Variants in IRAK3 observed in about 807,000 individuals in gnomAD.
IRAK3 encodes interleukin 1 receptor associated kinase 3.
Under a neutral mutation model 56.6 loss-of-function variants are expected in IRAK3, and 57 were observed. The observed-to-expected ratio is 1.01, with a 90% CI of 0.81 to 1.26. The LOEUF is 1.26. Ranked by LOEUF, IRAK3 falls within the 50% of genes most tolerant of loss-of-function variation. The pLI is 0.00. For synonymous variants in IRAK3, 258 were observed against 255.7 expected, an observed-to-expected ratio of 1.01 and a Z score of -0.09; for missense variants, 703 against 719.0, an observed-to-expected ratio of 0.98 and a Z score of 0.25.
chr12:66,235,089 G>A (rs1302870039), intron 8 of IRAK3: 2 of 1,613,410 alleles, frequency 1.2e-6, no homozygotes, highest in Non-Finnish European at 1.7e-6. Context: ...TGGGGAGGCA[G>A]TCCTCGGATA....
chr12:66,200,607 G>A (rs2052497380), intron 1 of IRAK3, among the ~76,000 whole-genome samples: 1 of 152,140 alleles, frequency 6.6e-6, no homozygotes, highest in African/African-American at 2.4e-5. Flanking sequence ...CAATTTTCAG[G>A]ATTTACTCAC....
In IRAK3 at chr12:66,197,610, A is replaced by G. The variant is rs948953084; in HGVS notation, c.134-6101A>G. On this transcript the variant is annotated intron_variant, in intron 1 of 11. Transcript: ENST00000261233. ...CAGTCCGGAAGCAATCCATGCATGCAGGCAGTATTCATTTTAACAGTCTGG... is the reference window on the plus strand; with the variant it reads ...CAGTCCGGAAGCAATCCATGCATGCGGGCAGTATTCATTTTAACAGTCTGG... 6.1e-6 allele frequency: 6 copies of G among 985,344 alleles called. No individual in the cohort carries two copies. The South Asian group carries it at 2.3e-4, about 39-fold the overall frequency. The allele number at this position is 985,344 out of a possible 1,614,324, so 61.0% of individuals were successfully genotyped here.
At chr12:66,198,029 TC>T in intron 1 of IRAK3, 1 of 985,286 alleles carries the variant, frequency 1.0e-6, no homozygotes. Flanking sequence ...ACTGTGCCTT[TC>T]CTACTGTGGC....
At chr12:66,210,305 T>C in intron 4 of IRAK3, 104 bp downstream of exon 4, 1 of 697,780 alleles carries the variant, frequency 1.4e-6, no homozygotes, top group Non-Finnish European at 2.6e-6. Context: ...ATCATTTATA[T>C]TCAAATTCGG....
At position 66,253,841 on chromosome 12, in the gene IRAK3, A is replaced by G. The variant is rs777736900; in HGVS notation, c.*5670A>G. The G allele has an allele frequency of 2.0e-5, 3 of 152,186 alleles. No homozygotes were observed. Among genetic ancestry groups the G allele is most frequent in the Non-Finnish European group, 4.4e-5 (3 of 68,024 alleles). The allele number at this position is 152,186 out of a possible 1,614,324, so 9.4% of individuals were successfully genotyped here. On this transcript the variant is annotated 3_prime_UTR_variant, in exon 12 of 12. Transcript: ENST00000261233. Reference sequence around the variant, plus strand: ...TTAGATTTAAAAAAATGAAGCATAAAGGAGTTGGCTCTTGCCCTAAGTCAT... The same window carrying G: ...TTAGATTTAAAAAAATGAAGCATAAGGGAGTTGGCTCTTGCCCTAAGTCAT...
At position 66,209,560 on chromosome 12, in the gene IRAK3, T is replaced by C. The variant is rs769464939; in HGVS notation, c.381+40T>C. 16 of 1,212,518 alleles carry C rather than the reference T, an allele frequency of 1.3e-5. 2 individuals carry two copies. In the African/African-American group the frequency reaches 2.4e-4, roughly 18 times the overall value. The allele number at this position is 1,212,518 out of a possible 1,614,324, so 75.1% of individuals were successfully genotyped here. On this transcript the variant is annotated intron_variant, in intron 3 of 11. Coordinates refer to ENST00000261233, the MANE Select transcript of IRAK3 (RefSeq NM_007199.3). ...CATAGAAAATGAGCCTTGAACTTTG[T>C]TGCATGTATAATTGAGCATAAGGAA... is the stretch of plus-strand genomic sequence containing the variant.
At chr12:66,247,670 T>C (rs2053048818) in intron 11 of IRAK3, 25 bp from the exon 12 acceptor site, 2 of 1,354,424 alleles carry the variant, frequency 1.5e-6, no homozygotes, top group South Asian at 2.3e-5. Context: ...CTTAATTTAA[T>C]GTCTGTTTGC....
chr12:66,237,121 A>G (rs935527791), intron 8 of IRAK3, among the ~76,000 whole-genome samples: 2 of 152,016 alleles, frequency 1.3e-5, no homozygotes, highest in African/African-American at 4.8e-5. Context: ...AAGTCACTTA[A>G]TCCCCTGAGG....
intron 5 of IRAK3, among the ~76,000 whole-genome samples, chr12:66,216,970 A>C (rs188905466): frequency 6.6e-6 from 1 of 152,212 alleles, no homozygotes; most frequent in Non-Finnish European, 1.5e-5. Context: ...CTTCAATTCA[A>C]GAACACTGGT....
At chr12:66,206,086 G>C (rs1157844399) in intron 2 of IRAK3, among the ~76,000 whole-genome samples, 1 of 148,676 alleles carries the variant, frequency 6.7e-6, no homozygotes, top group Admixed American at 6.6e-5. Context: ...CTTCTTAAGA[G>C]AGACATTTTC....
chr12:66,235,491 G>A (rs2052897480), intron 8 of IRAK3, among the ~76,000 whole-genome samples: 1 of 151,560 alleles, frequency 6.6e-6, no homozygotes. Flanking sequence ...AAAGTGCGGC[G>A]CGGCGCGGGG....
intron 4 of IRAK3, 66 bp downstream of exon 4, chr12:66,210,267 G>A (rs2052599071): frequency 1.1e-6 from 1 of 912,906 alleles, no homozygotes; most frequent in Non-Finnish European, 1.8e-6. Context: ...AGTGAATTAA[G>A]AGGGAGAAAT....
chr12:66,238,050 A>G (rs2052926081), intron 8 of IRAK3, among the ~76,000 whole-genome samples: 1 of 152,220 alleles, frequency 6.6e-6, no homozygotes, highest in Non-Finnish European at 1.5e-5. Context: ...TTTTGGAGAA[A>G]GGAGGAGCAC....
chr12:66,230,546 A>G (rs1466109751), intron 8 of IRAK3, among the ~76,000 whole-genome samples: 1 of 152,096 alleles, frequency 6.6e-6, no homozygotes, highest in Admixed American at 6.5e-5. Context: ...TGGCTGGGTG[A>G]GGCAGCTCCC....
In IRAK3 at chr12:66,254,223, A is replaced by G. The variant is rs113579370; in HGVS notation, c.*6052A>G. Reference sequence around the variant, plus strand: ...ATAAAAGTTGTCCAAGTCTTCAAACATGAGCCCAAAGGTATATTTCATGAT... The same window carrying G: ...ATAAAAGTTGTCCAAGTCTTCAAACGTGAGCCCAAAGGTATATTTCATGAT... On this transcript the variant is annotated 3_prime_UTR_variant, in exon 12 of 12. Transcript: ENST00000261233. 6 of 152,336 alleles carry G rather than the reference A, an allele frequency of 3.9e-5. No homozygotes were observed. Among genetic ancestry groups the G allele is most frequent in the Admixed American group, 6.5e-5 (1 of 15,300 alleles). The allele number at this position is 152,336 out of a possible 1,614,324, so 9.4% of individuals were successfully genotyped here.
intron 1 of IRAK3, among the ~76,000 whole-genome samples, 180 bp from the exon 2 acceptor site, chr12:66,203,531 A>G (rs1319298913): frequency 1.3e-5 from 2 of 152,244 alleles, no homozygotes; most frequent in Non-Finnish European, 2.9e-5. Flanking sequence ...TGTGGTTAGT[A>G]AGATGTCAAC....
In IRAK3 at chr12:66,226,723, GT is replaced by G; in HGVS notation, c.657del (p.His220IlefsTer6). 1 of 1,566,200 alleles carries G rather than the reference GT, an allele frequency of 6.4e-7. No homozygotes were observed. Among genetic ancestry groups the G allele is most frequent in the Non-Finnish European group, 8.8e-7 (1 of 1,136,486 alleles). ...GCTTTAAAACATCTTTTGTTTCAAG[GT>G]TTCATCACCCAAACATACTAGAGTT... ...FLSELEVLLL[F>X]HHPNILELAA... On this transcript the variant is annotated frameshift_variant and splice_region_variant, in exon 7 of 12. Coordinates refer to ENST00000261233, the MANE Select transcript of IRAK3 (RefSeq NM_007199.3). LOFTEE classifies it high-confidence loss of function.
chr12:66,244,006 C>T (rs1158636291), intron 8 of IRAK3, among the ~76,000 whole-genome samples: 1 of 152,210 alleles, frequency 6.6e-6, no homozygotes, highest in Admixed American at 6.5e-5. Flanking sequence ...GATAGGGCTG[C>T]CATGAGGGCA....
At chr12:66,214,258 TCATGCCTGTAATCC>T (rs1295741729) in intron 5 of IRAK3, among the ~76,000 whole-genome samples, 4 of 151,944 alleles carry the variant, frequency 2.6e-5, no homozygotes, top group Non-Finnish European at 5.9e-5. Flanking sequence ...GCATGGTGGC[TCATGCCTGTAATCC>T]CAGCACTTTG....
Sources: allele counts gnomAD v4.1 joint callset (sites outside exome capture counted in the v4.1 genomes callset), GRCh38; gene constraint gnomAD v4.1.1; transcripts MANE v1.5; gene names NCBI Gene and HGNC (gene_info 2026-07-23, HGNC 2026-07-21).